The following SGCD variants were observed in gnomAD, a reference collection of about 807,000 sequenced individuals.
The protein encoded by SGCD is delta-sarcoglycan.
In SGCD, 18 loss-of-function variants were observed where a neutral mutation model predicts 36.6. The observed-to-expected ratio is 0.49, with a 90% CI of 0.34 to 0.73. SGCD has a LOEUF of 0.73. SGCD is among the 30% of genes least tolerant of loss of function. The probability of loss-of-function intolerance (pLI) is 0.01; values close to 1 mark genes in which losing one functional copy is unlikely to be tolerated. For missense variants in SGCD, 387 were observed against 346.7 expected, an observed-to-expected ratio of 1.12 and a Z score of -0.92; for synonymous variants, 133 against 130.6, an observed-to-expected ratio of 1.02 and a Z score of -0.12.
intron 1 of SGCD, among the ~76,000 whole-genome samples, chr5:155,986,018 G>A (rs1758321059): frequency 6.6e-6 from 1 of 152,012 alleles, no homozygotes; most frequent in Admixed American, 6.5e-5. Flanking sequence ...GGTGTAGAGT[G>A]TCGAGGCACC....
the SGCD span, among the ~76,000 whole-genome samples, chr5:155,804,696 A>G: frequency 6.6e-6 from 1 of 152,192 alleles, no homozygotes; most frequent in Non-Finnish European, 1.5e-5. Flanking sequence ...CTTCTTACTC[A>G]TGACCAAGAG....
intron 3 of SGCD, among the ~76,000 whole-genome samples, chr5:156,485,820 GGA>G (rs915320734): frequency 5.9e-5 from 9 of 152,124 alleles, no homozygotes; most frequent in African/African-American, 2.2e-4. Flanking sequence ...AGGCAGGGAA[GGA>G]GAGAGAAGTG....
chr5:156,742,805 G>C (rs779067210), intron 7 of SGCD, among the ~76,000 whole-genome samples: 2 of 152,216 alleles, frequency 1.3e-5, no homozygotes, highest in Non-Finnish European at 2.9e-5. Context: ...AAGTAGGCAG[G>C]CAGGCAGGCA....
intron 7 of SGCD, among the ~76,000 whole-genome samples, chr5:156,731,209 A>G (rs192912467): frequency 3.2e-4 from 49 of 152,124 alleles, no homozygotes; most frequent in Non-Finnish European, 4.1e-4. Flanking sequence ...TAGGTTGTCT[A>G]TTTACTCTGT....
intron 4 of SGCD, among the ~76,000 whole-genome samples, chr5:156,567,325 G>A (rs1274680103): frequency 6.9e-6 from 1 of 144,426 alleles, no homozygotes; most frequent in African/African-American, 2.5e-5. Context: ...ATTAATGGGG[G>A]AAGGAGAGAG....
At chr5:156,440,577 C>A (rs1267993307) in intron 3 of SGCD, among the ~76,000 whole-genome samples, 1 of 152,232 alleles carries the variant, frequency 6.6e-6, no homozygotes, top group South Asian at 2.1e-4. Context: ...GCATCTCCAC[C>A]AGCAATATAA....
At chr5:156,152,427 A>C (rs1762854404) in intron 3 of SGCD, among the ~76,000 whole-genome samples, 1 of 151,674 alleles carries the variant, frequency 6.6e-6, no homozygotes, top group African/African-American at 2.4e-5. Context: ...TATCTAGTAC[A>C]GTAGCCACTG....
chr5:156,489,459 T>C (rs918938667), intron 3 of SGCD, among the ~76,000 whole-genome samples: 8 of 152,082 alleles, frequency 5.3e-5, no homozygotes, highest in Non-Finnish European at 5.9e-5. Flanking sequence ...TTATCCAGGA[T>C]AGACCATTTG....
intron 1 of SGCD, among the ~76,000 whole-genome samples, chr5:156,048,522 G>T (rs1201724877): frequency 6.6e-6 from 1 of 152,164 alleles, no homozygotes; most frequent in Non-Finnish European, 1.5e-5. Flanking sequence ...ATTCTAACTG[G>T]TGGGAGATGG....
rs1009359235 is a variant in SGCD at position 156,154,517 on chromosome 5, C to T, written c.-44+30498C>T. 3.3e-5 allele frequency among the ~76,000 whole-genome samples: 5 copies of T among 151,714 alleles called. 1 individual carries two copies. Among genetic ancestry groups the T allele is most frequent in the African/African-American group, 7.3e-5 (3 of 41,024 alleles). ...CATTCAAAATTATAATATACCCTTA[C>T]CAGCTTTTTGTCATGATGCATTTTA... On this transcript the variant is annotated intron_variant, in intron 3 of 9. Coordinates refer to the SGCD transcript ENST00000517913.
intron 3 of SGCD, among the ~76,000 whole-genome samples, chr5:156,365,164 A>G (rs6873000): frequency 0.79 from 120,502 of 152,218 alleles, 48,492 homozygotes; most frequent in African/African-American, 0.93. Flanking sequence ...CAAAGATGCT[A>G]GAAATCATAG....
intron 1 of SGCD, among the ~76,000 whole-genome samples, chr5:156,006,902 A>G (rs763813692): frequency 1.4e-4 from 22 of 152,294 alleles, no homozygotes; most frequent in Non-Finnish European, 2.8e-4. Flanking sequence ...GTTTTAGAGG[A>G]ACCCAAAGAA....
intron 3 of SGCD, among the ~76,000 whole-genome samples, chr5:156,384,916 A>G (rs1350705376): frequency 1.3e-5 from 2 of 152,204 alleles, no homozygotes; most frequent in East Asian, 3.9e-4. Flanking sequence ...CAGTTCTCAT[A>G]TGACCTAGGA....
intron 3 of SGCD, among the ~76,000 whole-genome samples, chr5:156,222,107 T>A (rs1273788640): frequency 6.6e-6 from 1 of 152,056 alleles, no homozygotes; most frequent in African/African-American, 2.4e-5. Context: ...CAGGAAAATT[T>A]CAGTTCTGCT....
intron 1 of SGCD, among the ~76,000 whole-genome samples, chr5:155,957,102 A>G (rs737307): frequency 0.26 from 39,386 of 151,042 alleles, 6,032 homozygotes; most frequent in Admixed American, 0.4. Flanking sequence ...CTCAAGGAAG[A>G]CTTCACTGAG....
chr5:156,425,556 G>T (rs978408920), intron 3 of SGCD, among the ~76,000 whole-genome samples: 1 of 151,640 alleles, frequency 6.6e-6, no homozygotes, highest in Non-Finnish European at 1.5e-5. Flanking sequence ...CTTGGATGAC[G>T]GGTTTTTTTT....
At chr5:156,402,339 A>G (rs1023286187) in intron 3 of SGCD, among the ~76,000 whole-genome samples, 1 of 152,236 alleles carries the variant, frequency 6.6e-6, no homozygotes. Flanking sequence ...CTTAGTTAAA[A>G]TAATGTAAGC....
At chr5:156,570,987 C>T (rs1759695383) in intron 4 of SGCD, among the ~76,000 whole-genome samples, 1 of 152,084 alleles carries the variant, frequency 6.6e-6, no homozygotes, top group South Asian at 2.1e-4. Context: ...TCTATTCCTA[C>T]TATCTTGGTT....
chr5:156,582,608 C>T (rs1760318611), intron 4 of SGCD, among the ~76,000 whole-genome samples: 1 of 152,206 alleles, frequency 6.6e-6, no homozygotes, highest in African/African-American at 2.4e-5. Context: ...TCTGACCTCA[C>T]CCCTAAAGAA....
Sources: allele counts gnomAD v4.1 joint callset (sites outside exome capture counted in the v4.1 genomes callset), GRCh38; gene constraint gnomAD v4.1.1; transcripts MANE v1.5; gene names NCBI Gene and HGNC (gene_info 2026-07-23, HGNC 2026-07-21).